The following MPDZ variants were observed in gnomAD, a reference collection of about 807,000 sequenced individuals.
MPDZ encodes the protein multiple PDZ domain crumbs cell polarity complex component.
In MPDZ, 234 loss-of-function variants were observed where a neutral mutation model predicts 239.1. That is an observed-to-expected ratio of 0.98 (90% confidence interval 0.88 to 1.09). The LOEUF (loss-of-function observed/expected upper bound fraction) is 1.09. Ranked by LOEUF, MPDZ falls within the 50% of genes least tolerant of loss-of-function variation. MPDZ has a pLI of 0.00. For synonymous variants in MPDZ, 1,048 were observed against 881.3 expected (o/e 1.19, Z -3.35); for missense variants, 3,175 against 2,510.0 (o/e 1.26, Z -5.66).
At chr9:13,189,526 C>A (rs553509539) in intron 16 of MPDZ, among the ~76,000 whole-genome samples, 1 of 152,142 alleles carries the variant, frequency 6.6e-6, no homozygotes, top group South Asian at 2.1e-4. Context: ...CAGAGTCAGG[C>A]CCTATGAACA....
rs533156934 is a variant in MPDZ at position 13,192,096 on chromosome 9, T to C, written c.1968+35A>G. The C allele has an allele frequency of 3.3e-6, 5 of 1,499,052 alleles. No individual in the cohort carries two copies. The South Asian group carries it at 5.8e-5, about 17-fold the overall frequency. 92.9% of individuals were successfully genotyped at this position (1,499,052 alleles called of 1,614,324 possible). A position where few individuals can be genotyped will look rare whatever the true frequency, so the allele number is the denominator to read the frequency against. ...TAAGCCATTTAGCCTTTCCATTATA[T>C]ATGTAGGTTAGCCTCATGTATGCAA... On this transcript the variant is annotated intron_variant, in intron 15 of 46. Transcript: ENST00000319217.
chr9:13,252,865 G>C (rs774436180), intron 1 of MPDZ, among the ~76,000 whole-genome samples: 2 of 152,138 alleles, frequency 1.3e-5, no homozygotes, highest in African/African-American at 2.4e-5. Context: ...GCATGGACTA[G>C]AGAGTCTGAT....
intron 3 of MPDZ, among the ~76,000 whole-genome samples, chr9:13,245,765 G>A (rs910253234): frequency 3.9e-5 from 6 of 152,260 alleles, no homozygotes; most frequent in East Asian, 3.9e-4. Flanking sequence ...TCTGAATCAC[G>A]TGGGACCCAA....
intron 1 of MPDZ, among the ~76,000 whole-genome samples, chr9:13,265,446 G>A (rs1163387283): frequency 1.3e-5 from 2 of 152,216 alleles, no homozygotes; most frequent in African/African-American, 2.4e-5. Context: ...GCGCATGCCT[G>A]TAATCCCAAC....
chr9:13,121,218 C>T (rs1398275779), intron 38 of MPDZ, among the ~76,000 whole-genome samples: 3 of 152,140 alleles, frequency 2.0e-5, no homozygotes, highest in African/African-American at 7.2e-5. Context: ...TTCCACTCTC[C>T]TTTAATAAAC....
At position 13,247,652 on chromosome 9, in the gene MPDZ, G is replaced by T. The variant is rs774546459; in HGVS notation, c.166C>A (p.Gln56Lys). 5.0e-6 allele frequency: 8 copies of T among 1,612,814 alleles called. No individual in the cohort carries two copies. The highest frequency in any genetic ancestry group is 6.8e-6 in the Non-Finnish European group (8 of 1,179,132). The change falls in exon 3 of 47, where the codon CAG becomes AAG. Residue 56 changes from glutamine to lysine, a missense_variant. By Grantham distance (53) the Gln-to-Lys change is moderately conservative (BLOSUM62 1). Transcript: ENST00000319217. ...TGTCCTACCTGGTCTTTCAGCTGCT[G>T]TACAGAAGTCTGAAGGCTCAGAATC... is the stretch of plus-strand genomic sequence containing the variant. ...SQILSLQTSVQQLKDQVNIAT... is the reference protein window; with the variant it reads ...SQILSLQTSVKQLKDQVNIAT...
At chr9:13,162,578 A>G in intron 23 of MPDZ, 113 bp downstream of exon 23, 1 of 473,058 alleles carries the variant, frequency 2.1e-6, no homozygotes, top group Non-Finnish European at 3.6e-6. Flanking sequence ...AAAATCTTGA[A>G]AGAGGAAAAG....
At chr9:13,126,872 G>C in intron 32 of MPDZ, 100 bp from the exon 33 acceptor site, 2 of 958,694 alleles carry the variant, frequency 2.1e-6, no homozygotes, top group Non-Finnish European at 3.3e-6. Flanking sequence ...CTCTTCTGAA[G>C]TCCAGAAATC....
At chr9:13,185,744 T>A (rs1043246581) in intron 18 of MPDZ, among the ~76,000 whole-genome samples, 2 of 152,132 alleles carry the variant, frequency 1.3e-5, no homozygotes, top group Admixed American at 1.3e-4. Flanking sequence ...AAATAAAATT[T>A]TAATTTATAA....
chr9:13,123,108 G>C, intron 36 of MPDZ, 45 bp downstream of exon 36: 1 of 1,536,644 alleles, frequency 6.5e-7, no homozygotes. Flanking sequence ...TCTGAGGCCT[G>C]GCTGAAGGAC....
At chr9:13,116,149 T>A (rs943004293) in intron 39 of MPDZ, among the ~76,000 whole-genome samples, 1 of 152,082 alleles carries the variant, frequency 6.6e-6, no homozygotes, top group African/African-American at 2.4e-5. Flanking sequence ...GAAGACAATC[T>A]TTCTTGCACC....
intron 41 of MPDZ, 47 bp from the exon 42 acceptor site, chr9:13,113,101 C>G: frequency 6.8e-7 from 1 of 1,481,254 alleles, no homozygotes; most frequent in Non-Finnish European, 9.2e-7. Context: ...TGTTCATTCA[C>G]TTTTTATGTT....
chr9:13,148,784 G>T (rs2132924922), intron 25 of MPDZ, among the ~76,000 whole-genome samples: 1 of 152,058 alleles, frequency 6.6e-6, no homozygotes, highest in South Asian at 2.1e-4. Flanking sequence ...ACACGCTTTA[G>T]AATCCTCAGG....
rs570339699 is a variant in MPDZ, at chr9:13,189,890, C to T, written c.2154+224G>A. 2.6e-5 allele frequency among the ~76,000 whole-genome samples: 4 copies of T among 152,128 alleles called. No homozygotes were observed. In the South Asian group the frequency reaches 8.3e-4, roughly 32 times the overall value. On this transcript the variant is annotated intron_variant, in intron 16 of 46. Coordinates refer to ENST00000319217, the MANE Select transcript of MPDZ (RefSeq NM_001378778.1). ...CGAAAAAACACCCACTATGATATTC[C>T]TAAAATGTATCTTCCAATTCCAAGA... is the stretch of plus-strand genomic sequence containing the variant.
rs755663183 is a variant in MPDZ, at chr9:13,247,778, C to T, written c.40G>A (p.Ala14Thr). Residue 14 changes from alanine to threonine, a missense_variant, in exon 3 of 47, where the codon GCA (alanine) becomes ACA (threonine). Coordinates refer to ENST00000319217, the MANE Select transcript of MPDZ (RefSeq NM_001378778.1). Reference protein sequence around the residue: ...AIDKNRALHAAERLQTKLRER... With the variant: ...AIDKNRALHATERLQTKLRER... ...CGCAGCTTGGTTTGCAAGCGCTCTGCTGCATGCAGGGCCCGATTTTTGTCT... is the reference window on the plus strand; with the variant it reads ...CGCAGCTTGGTTTGCAAGCGCTCTGTTGCATGCAGGGCCCGATTTTTGTCT... The T allele has an allele frequency of 1.2e-6, 2 of 1,609,958 alleles. No individual in the cohort carries two copies. The highest frequency in any genetic ancestry group is 1.7e-6 in the Non-Finnish European group (2 of 1,176,644).
chr9:13,210,086 AC>A (rs1957441310), intron 10 of MPDZ, among the ~76,000 whole-genome samples: 1 of 151,482 alleles, frequency 6.6e-6, no homozygotes, highest in Non-Finnish European at 1.5e-5. Flanking sequence ...AAAAAAAAAA[AC>A]CTCACACCTG....
At chr9:13,159,289 G>C (rs929641560) in intron 23 of MPDZ, among the ~76,000 whole-genome samples, 1 of 152,000 alleles carries the variant, frequency 6.6e-6, no homozygotes, top group Non-Finnish European at 1.5e-5. Context: ...AAATCTCTTT[G>C]CTATAGGTCC....
intron 1 of MPDZ, among the ~76,000 whole-genome samples, chr9:13,266,215 G>A (rs1012848649): frequency 7.2e-5 from 11 of 152,180 alleles, no homozygotes; most frequent in African/African-American, 2.7e-4. Flanking sequence ...AATGTGGACA[G>A]GAACAAAGTT....
chr9:13,188,061 C>G (rs909515857), intron 17 of MPDZ, among the ~76,000 whole-genome samples: 10 of 152,126 alleles, frequency 6.6e-5, no homozygotes, highest in African/African-American at 2.4e-4. Context: ...CAACTTGAAG[C>G]CACTCTGACA....
Sources: gnomAD v4.1 joint callset for allele counts (sites outside exome capture counted in the v4.1 genomes callset) on GRCh38, gnomAD v4.1.1 for gene constraint, MANE v1.5 for transcripts, NCBI Gene and HGNC (gene_info 2026-07-23, HGNC 2026-07-21) for gene names.